The following PEPD variants were observed in gnomAD, a reference collection of about 807,000 sequenced individuals.
The protein encoded by PEPD is xaa-Pro dipeptidase.
Under a neutral mutation model 60.7 loss-of-function variants are expected in PEPD, and 53 were observed. That is an observed-to-expected ratio of 0.87 (90% CI 0.70 to 1.10). The LOEUF is 1.10. Among genes scored for constraint, PEPD ranks in the 50% least tolerant of loss-of-function variants. PEPD has a pLI of 0.00. For missense variants in PEPD, 711 were observed against 711.9 expected, an observed-to-expected ratio of 1.00 and a Z score of 0.01; for synonymous variants, 267 against 284.1, an observed-to-expected ratio of 0.94 and a Z score of 0.60.
chr19:33,400,602 G>A (rs1347232327), intron 12 of PEPD, among the ~76,000 whole-genome samples: 1 of 152,252 alleles, frequency 6.6e-6, no homozygotes, highest in Non-Finnish European at 1.5e-5. Context: ...TGTGCCTGTA[G>A]AGGGCCAGGC....
chr19:33,476,541 A>C (rs1027191033), intron 7 of PEPD, among the ~76,000 whole-genome samples: 1 of 151,934 alleles, frequency 6.6e-6, no homozygotes, highest in Non-Finnish European at 1.5e-5. Context: ...CACCACTCAG[A>C]TCTGTCCTGC....
chr19:33,485,491 T>TAAAAAA lies in PEPD; in HGVS notation c.503+4499_503+4504dup, dbSNP rs908651690. Among the ~76,000 whole-genome samples, 172 of 110,930 alleles carry TAAAAAA rather than the reference T, an allele frequency of 1.6e-3. 3 individuals carry two copies. The highest frequency in any genetic ancestry group is 4.8e-3 in the African/African-American group (133 of 27,438). The allele number at this position is 110,930 out of a possible 152,430, so 72.8% of individuals were successfully genotyped here. A position where few individuals can be genotyped will look rare whatever the true frequency, so the allele number is the denominator to read the frequency against. On this transcript the variant is annotated intron_variant, in intron 6 of 14. Transcript: ENST00000244137. ...CTGGGCAACAGAGCAAGACTCTGTC[T>TAAAAAA]AAAAAAAAAAAAAAAAAAGAAGCCA...
chr19:33,411,826 C>A, intron 10 of PEPD, 77 bp from the exon 11 acceptor site: 1 of 876,216 alleles, frequency 1.1e-6, no homozygotes, highest in Non-Finnish European at 1.9e-6. Flanking sequence ...GATGCTCGAT[C>A]CCCTGCCCAT....
chr19:33,440,473 G>A (rs1969461804), intron 9 of PEPD, among the ~76,000 whole-genome samples: 1 of 152,014 alleles, frequency 6.6e-6, no homozygotes, highest in Non-Finnish European at 1.5e-5. Context: ...CAAACAGCTG[G>A]ACCGTGGCCC....
At chr19:33,451,891 A>G (rs1409648643) in intron 9 of PEPD, among the ~76,000 whole-genome samples, 1 of 152,234 alleles carries the variant, frequency 6.6e-6, no homozygotes, top group Admixed American at 6.5e-5. Context: ...CATGGAAATG[A>G]GTAAGACAAA....
chr19:33,396,327 G>A (rs1288786920), intron 12 of PEPD, among the ~76,000 whole-genome samples: 1 of 152,064 alleles, frequency 6.6e-6, no homozygotes, highest in Non-Finnish European at 1.5e-5. Flanking sequence ...GGTGCCCCCT[G>A]ACCACGGGGC....
intron 7 of PEPD, among the ~76,000 whole-genome samples, chr19:33,466,451 T>A (rs1430524906): frequency 6.6e-6 from 1 of 152,220 alleles, no homozygotes; most frequent in African/African-American, 2.4e-5. Context: ...CTGGGATGTA[T>A]TCTGGCAAAT....
rs192989793 is a variant in PEPD, at chr19:33,420,595, G to T, written c.672-6952C>A. Among the ~76,000 whole-genome samples, 864 of 152,126 alleles carry T rather than the reference G, an allele frequency of 5.7e-3. 10 individuals are homozygous for T. Among genetic ancestry groups the T allele is most frequent in the African/African-American group, 0.02 (824 of 41,508 alleles). ...CAGGTGCCTGTAATCCCAGCTACTT[G>T]GGAGGCTGAGACAGGAGAATTGCTT... On this transcript the variant is annotated intron_variant, in intron 9 of 14. Coordinates refer to ENST00000244137, the MANE Select transcript of PEPD (RefSeq NM_000285.4).
intron 11 of PEPD, among the ~76,000 whole-genome samples, chr19:33,410,658 G>A (rs550858395): frequency 6.6e-6 from 1 of 152,200 alleles, no homozygotes; most frequent in East Asian, 1.9e-4. Flanking sequence ...GGCCTCAGAG[G>A]ACATGCCATG....
intron 9 of PEPD, among the ~76,000 whole-genome samples, chr19:33,418,489 C>G (rs1237509276): frequency 6.6e-6 from 1 of 152,220 alleles, no homozygotes; most frequent in Non-Finnish European, 1.5e-5. Flanking sequence ...GAAGCACGTA[C>G]TACATTCTTC....
rs561288097 is a variant in PEPD, at chr19:33,417,382, T to C, written c.672-3739A>G. ...CTTAGGAAAGCAGGTAGTTGGGACA[T>C]GGGGTTACAAACCTGAGGTGGGGAG... On this transcript the variant is annotated intron_variant, in intron 9 of 14. Coordinates refer to ENST00000244137, the MANE Select transcript of PEPD (RefSeq NM_000285.4). Among the ~76,000 whole-genome samples, 6 of 152,228 alleles carry C rather than the reference T, an allele frequency of 3.9e-5. No homozygotes were observed. In the East Asian group the frequency reaches 1.2e-3, roughly 30 times the overall value.
At chr19:33,428,238 C>T (rs1315477499) in intron 9 of PEPD, among the ~76,000 whole-genome samples, 3 of 152,214 alleles carry the variant, frequency 2.0e-5, no homozygotes, top group Admixed American at 6.5e-5. Flanking sequence ...GAGGGAGTCA[C>T]GCCCGTGGAT....
At chr19:33,413,785 G>A (rs772319673) in intron 9 of PEPD, 142 bp from the exon 10 acceptor site, 55 of 656,582 alleles carry the variant, frequency 8.4e-5, no homozygotes, top group Non-Finnish European at 1.4e-4. Flanking sequence ...CTCAGTGTGA[G>A]TCTGTGAGGC....
chr19:33,506,877 C>A (rs1445515141), intron 3 of PEPD, among the ~76,000 whole-genome samples: 1 of 151,216 alleles, frequency 6.6e-6, no homozygotes, highest in African/African-American at 2.4e-5. Context: ...ACACACCACA[C>A]ACCCCCATCA....
chr19:33,474,931 G>A (rs939713810), intron 7 of PEPD, among the ~76,000 whole-genome samples: 2 of 150,734 alleles, frequency 1.3e-5, no homozygotes, highest in African/African-American at 4.9e-5. Context: ...AGCAAGCTAC[G>A]ATCATGCCAC....
chr19:33,498,013 A>G (rs1412003913), intron 4 of PEPD, among the ~76,000 whole-genome samples: 1 of 151,890 alleles, frequency 6.6e-6, no homozygotes, highest in Admixed American at 6.5e-5. Context: ...CCTCATATCT[A>G]TGAACGGGGT....
intron 9 of PEPD, among the ~76,000 whole-genome samples, chr19:33,458,392 T>C (rs796453201): frequency 7.3e-5 from 11 of 150,136 alleles, no homozygotes; most frequent in African/African-American, 2.5e-4. Context: ...TGGCAAGTGA[T>C]GTATGGTGTG....
intron 6 of PEPD, among the ~76,000 whole-genome samples, chr19:33,482,213 C>A (rs949672960): frequency 6.6e-6 from 1 of 152,052 alleles, no homozygotes; most frequent in African/African-American, 2.4e-5. Context: ...CAGAATCCAG[C>A]AACATATAAA....
chr19:33,428,388 C>T (rs866750016), intron 9 of PEPD, among the ~76,000 whole-genome samples: 3 of 152,170 alleles, frequency 2.0e-5, no homozygotes, highest in African/African-American at 4.8e-5. Flanking sequence ...CACCTTCTAT[C>T]GGACACCTTC....
Sources: allele counts gnomAD v4.1 joint callset (sites outside exome capture counted in the v4.1 genomes callset), GRCh38; gene constraint gnomAD v4.1.1; transcripts MANE v1.5; gene names NCBI Gene and HGNC (gene_info 2026-07-23, HGNC 2026-07-21).